Variants in CELF6 observed in about 807,000 individuals in gnomAD.
The protein encoded by CELF6 is CUGBP Elav-like family member 6, also known as Bruno -like 6, RNA binding protein.
A neutral mutation model predicts 53.1 loss-of-function variants in CELF6; 32 were observed. That is an observed-to-expected ratio of 0.60 (90% CI 0.46 to 0.81). CELF6 has a LOEUF of 0.81. Ranked by LOEUF, CELF6 falls within the 30% of genes least tolerant of loss-of-function variation. The pLI, the probability that CELF6 is intolerant of heterozygous loss-of-function variation, is 0.00. For synonymous variants in CELF6, 291 were observed against 288.8 expected, an observed-to-expected ratio of 1.01 and a Z score of -0.08; for missense variants, 539 against 669.5, an observed-to-expected ratio of 0.81 and a Z score of 2.15.
At chr15:72,306,134 A>G in intron 2 of CELF6, 1 of 983,656 alleles carries the variant, frequency 1.0e-6, no homozygotes, top group Non-Finnish European at 1.2e-6. Context: ...TTGAATCCCC[A>G]TCTCACCTTC....
At chr15:72,296,512 A>G (rs927394685) in intron 3 of CELF6, among the ~76,000 whole-genome samples, 4 of 152,338 alleles carry the variant, frequency 2.6e-5, no homozygotes, top group Non-Finnish European at 5.9e-5. Context: ...ACACATTTGC[A>G]AACAATATAT....
intron 2 of CELF6, among the ~76,000 whole-genome samples, chr15:72,311,473 G>A (rs2088295884): frequency 6.6e-6 from 1 of 151,252 alleles, no homozygotes; most frequent in Admixed American, 6.6e-5. Context: ...TGCGATCTTG[G>A]CTCACTGCAA....
intron 3 of CELF6, among the ~76,000 whole-genome samples, chr15:72,299,951 A>C (rs1440679031): frequency 6.6e-6 from 1 of 152,234 alleles, no homozygotes; most frequent in East Asian, 1.9e-4. Flanking sequence ...GGAGATGGCC[A>C]TGACAGAAAA....
In CELF6 at chr15:72,288,732, C is replaced by T. The variant is rs1026766394; in HGVS notation, c.1094-114G>A. On this transcript the variant is annotated intron_variant, in intron 9 of 12. Coordinates refer to ENST00000287202, the MANE Select transcript of CELF6 (RefSeq NM_052840.5). The surrounding 1 kb of genome is among the most constrained non-coding windows in gnomAD (Gnocchi z 4.6). ...GCCCAGTCCACCATAACCCTCACCC[C>T]AAGAGAGGTCGTTCTGGGGGTAGGA... 7 of 1,369,670 alleles carry T rather than the reference C, an allele frequency of 5.1e-6. No homozygotes were observed. The highest frequency in any genetic ancestry group is 3.6e-4 in the Middle Eastern group (2 of 5,588). 84.8% of individuals were successfully genotyped at this position (1,369,670 alleles called of 1,614,324 possible). A position where few individuals can be genotyped will look rare whatever the true frequency, so the allele number is the denominator to read the frequency against.
Position 72,289,888 on chromosome 15 carries a change from C to A in CELF6, c.603+51G>T. 6.5e-7 allele frequency: 1 copy of A among 1,529,304 alleles called. No homozygotes were observed. The allele number at this position is 1,529,304 out of a possible 1,614,324, so 94.7% of individuals were successfully genotyped here. A position where few individuals can be genotyped will look rare whatever the true frequency, so the allele number is the denominator to read the frequency against. On this transcript the variant is annotated intron_variant, in intron 5 of 12. Transcript: ENST00000287202. This position sits in a 1 kb window ranked among gnomAD's most constrained non-coding sequence, Gnocchi z 7.6. ...ACCGAGCACACTCGGGGAGGAGAAG[C>A]CCGTCCCCACCCCACTGGCCTCACC...
At chr15:72,309,994 G>T (rs541586224) in intron 2 of CELF6, among the ~76,000 whole-genome samples, 2 of 152,274 alleles carry the variant, frequency 1.3e-5, no homozygotes, top group South Asian at 2.1e-4. Context: ...AGGCCGCACA[G>T]ACACGCACAG....
intron 3 of CELF6, among the ~76,000 whole-genome samples, chr15:72,294,255 C>T (rs1206525500): frequency 6.6e-6 from 1 of 152,206 alleles, no homozygotes. Context: ...TTCTAGGCCA[C>T]TCACACCAAA....
intron 2 of CELF6, among the ~76,000 whole-genome samples, chr15:72,314,805 G>GGCTGGTC (rs1163878503): frequency 2.0e-5 from 3 of 152,052 alleles, no homozygotes; most frequent in African/African-American, 7.3e-5. Context: ...ATGTTGGCCA[G>GGCTGGTC]GCTGGTCTCG....
intron 3 of CELF6, among the ~76,000 whole-genome samples, chr15:72,295,071 C>T (rs775643239): frequency 3.3e-5 from 5 of 151,794 alleles, no homozygotes; most frequent in African/African-American, 7.3e-5. Context: ...TGGTGGCTCA[C>T]GCCTGTAAAC....
chr15:72,287,436 C>G (rs1202979925), intron 11 of CELF6, 44 bp from the exon 12 acceptor site: 2 of 1,609,458 alleles, frequency 1.2e-6, no homozygotes, highest in Non-Finnish European at 1.7e-6. Flanking sequence ...CTCTGCCTAG[C>G]AGGGCCTCCT....
rs926662885 is a variant in CELF6, at chr15:72,308,971, T to C, written c.346-4177A>G. Among the ~76,000 whole-genome samples, 3 of 152,166 alleles carry C rather than the reference T, an allele frequency of 2.0e-5. No homozygotes were observed. The South Asian group carries it at 6.2e-4, about 32-fold the overall frequency. Reference sequence around the variant, plus strand: ...CTCTGCTACCCAGGCTGGAGTACAGTGGCGCCATCATAGCTCACTGCAAAC... The same window carrying C: ...CTCTGCTACCCAGGCTGGAGTACAGCGGCGCCATCATAGCTCACTGCAAAC... On this transcript the variant is annotated intron_variant, in intron 2 of 12. Transcript: ENST00000287202.
Position 72,289,077 on chromosome 15 carries a change from A to AC in CELF6, c.1030+60dup, listed in dbSNP as rs2087962735. ...CTCTTCCCAGGGAAGCCAGGCCCTAACCCCCCACCCCCCGCTCCCCACTCC... is the reference window on the plus strand; with the variant it reads ...CTCTTCCCAGGGAAGCCAGGCCCTAACCCCCCCACCCCCCGCTCCCCACTCC... On this transcript the variant is annotated intron_variant, in intron 8 of 12. Transcript: ENST00000287202. This position sits in a 1 kb window ranked among gnomAD's most constrained non-coding sequence, Gnocchi z 7.6. 2 of 1,377,958 alleles carry AC rather than the reference A, an allele frequency of 1.5e-6. No homozygotes were observed. The highest frequency in any genetic ancestry group is 2.9e-5 in the South Asian group (2 of 68,350). The allele number at this position is 1,377,958 out of a possible 1,614,324, so 85.4% of individuals were successfully genotyped here.
At position 72,289,890 on chromosome 15, in the gene CELF6, C is replaced by G. The variant is rs781703343; in HGVS notation, c.603+49G>C. 2 of 1,530,846 alleles carry G rather than the reference C, an allele frequency of 1.3e-6. No individual in the cohort carries two copies. The highest frequency in any genetic ancestry group is 1.8e-6 in the Non-Finnish European group (2 of 1,141,804). 94.8% of individuals were successfully genotyped at this position (1,530,846 alleles called of 1,614,324 possible). A position where few individuals can be genotyped will look rare whatever the true frequency, so the allele number is the denominator to read the frequency against. The stretch of plus-strand genomic sequence containing the variant: ...CGAGCACACTCGGGGAGGAGAAGCC[C>G]GTCCCCACCCCACTGGCCTCACCCT... On this transcript the variant is annotated intron_variant, in intron 5 of 12. Transcript: ENST00000287202. The surrounding 1 kb of genome is among the most constrained non-coding windows in gnomAD (Gnocchi z 7.6).
chr15:72,306,049 TG>T (rs1257382587), intron 2 of CELF6: 11 of 983,246 alleles, frequency 1.1e-5, no homozygotes, highest in Non-Finnish European at 1.3e-5. Flanking sequence ...TTGCATAATT[TG>T]AAAACGCTCC....
At chr15:72,316,280 C>T (rs1285734340) in intron 1 of CELF6, among the ~76,000 whole-genome samples, 1 of 152,200 alleles carries the variant, frequency 6.6e-6, no homozygotes, top group African/African-American at 2.4e-5. Flanking sequence ...TTAACCCAGA[C>T]TTCCCCTTCC....
chr15:72,299,653 G>A (rs1281512186), intron 3 of CELF6, among the ~76,000 whole-genome samples: 1 of 152,100 alleles, frequency 6.6e-6, no homozygotes, highest in Non-Finnish European at 1.5e-5. Flanking sequence ...GAGCCACCAC[G>A]CCCAGTCCTG....
intron 11 of CELF6, 68 bp from the exon 12 acceptor site, chr15:72,287,460 G>GCC (rs1257901399): frequency 6.3e-7 from 1 of 1,579,366 alleles, no homozygotes; most frequent in Non-Finnish European, 8.6e-7. Context: ...TCTCTGACCA[G>GCC]CCCCCTCCTC....
In CELF6 at chr15:72,304,751, C is replaced by T. The variant is rs757921980; in HGVS notation, c.389G>A (p.Arg130Gln). ...IQVKPAASEG[R>Q]GEDRKLFVGM... ...TGGTCAGACAGGGAAGTTACCTCCTCGGCCCTCACTGGCAGCTGGCTTCAC... is the reference window on the plus strand; with the variant it reads ...TGGTCAGACAGGGAAGTTACCTCCTTGGCCCTCACTGGCAGCTGGCTTCAC... The change falls in exon 3 of 13, where the codon CGA becomes CAA. Residue 130 changes from arginine to glutamine, a missense_variant. This residue lies in a region of CELF6 where 97 missense variants were observed against 168.8 expected (regional missense o/e 0.57). Coordinates refer to ENST00000287202, the MANE Select transcript of CELF6 (RefSeq NM_052840.5). 1.1e-5 allele frequency: 17 copies of T among 1,614,022 alleles called. No homozygotes were observed. The highest frequency in any genetic ancestry group is 1.7e-5 in the Admixed American group (1 of 59,996).
chr15:72,288,645 T>A lies in CELF6; in HGVS notation c.1094-27A>T. 1.3e-6 allele frequency: 2 copies of A among 1,549,364 alleles called. No homozygotes were observed. The highest frequency in any genetic ancestry group is 1.7e-6 in the Non-Finnish European group (2 of 1,146,616). On this transcript the variant is annotated intron_variant, in intron 9 of 12. Transcript: ENST00000287202. This position sits in a 1 kb window ranked among gnomAD's most constrained non-coding sequence, Gnocchi z 4.6. ...TGGAGACAGAGGTGGGAGTGGACAG[T>A]GATCCCCAGGAGCCCTTCCCCAAGC...
Sources: gnomAD v4.1 joint callset for allele counts (sites outside exome capture counted in the v4.1 genomes callset) on GRCh38, gnomAD v4.1.1 for gene constraint, gnomAD v4.1.1 regional missense constraint, Gnocchi (gnomAD v3.1) non-coding constraint, MANE v1.5 for transcripts, NCBI Gene and HGNC (gene_info 2026-07-23, HGNC 2026-07-21) for gene names.